PTPRE: variants seen among roughly 807,000 people sequenced by gnomAD.
The protein encoded by PTPRE is protein tyrosine phosphatase receptor type E.
In PTPRE, 51 loss-of-function variants were observed where a neutral mutation model predicts 102.0. The observed-to-expected ratio is 0.50, with a 90% CI of 0.40 to 0.63. The LOEUF is 0.63. Among genes scored for constraint, PTPRE ranks in the 30% least tolerant of loss-of-function variants. The pLI, the probability that PTPRE is intolerant of heterozygous loss-of-function variation, is 0.00. For missense variants in PTPRE, 752 were observed against 915.1 expected, an observed-to-expected ratio of 0.82 and a Z score of 2.30; for synonymous variants, 345 against 348.2, an observed-to-expected ratio of 0.99 and a Z score of 0.10.
intron 1 of PTPRE, among the ~76,000 whole-genome samples, chr10:127,932,854 G>A (rs577930068): frequency 1.3e-5 from 2 of 152,334 alleles, no homozygotes; most frequent in East Asian, 1.9e-4. Flanking sequence ...ACTCATTCAG[G>A]TATTGGCAGA....
rs574602290 is a variant in PTPRE at position 128,068,016 on chromosome 10, C to T, written c.844-107C>T. The T allele has an allele frequency of 7.7e-6, 10 of 1,301,122 alleles. No homozygotes were observed. The African/African-American group carries it at 8.9e-5, about 12-fold the overall frequency. 80.6% of individuals were successfully genotyped at this position (1,301,122 alleles called of 1,614,324 possible). On this transcript the variant is annotated intron_variant, in intron 11 of 20. Transcript: ENST00000254667. The stretch of plus-strand genomic sequence containing the variant: ...CCTCTGTGGATGGGCCCCTCCCCTA[C>T]GCAGCCCCAGCACAGGGGAGCCCAC...
intron 2 of PTPRE, among the ~76,000 whole-genome samples, chr10:128,022,340 G>A (rs914062588): frequency 4.6e-5 from 7 of 152,250 alleles, no homozygotes; most frequent in African/African-American, 7.2e-5. Flanking sequence ...CCCAGGCCTT[G>A]TGAAAGTGGG....
In PTPRE at chr10:127,918,263, A is replaced by G. The variant is rs115741347; in HGVS notation, c.-31+10954A>G. On this transcript the variant is annotated intron_variant, in intron 1 of 20. Coordinates refer to ENST00000254667, the MANE Select transcript of PTPRE (RefSeq NM_006504.6). ...AGCACCCCCTTTAAACTTCCTTTAA[A>G]AAAGGAGAAAATCGGCCTGGTGCAG... 2.7e-3 allele frequency among the ~76,000 whole-genome samples: 415 copies of G among 152,264 alleles called. 3 individuals are homozygous for G. Among genetic ancestry groups the G allele is most frequent in the African/African-American group, 9.4e-3 (392 of 41,560 alleles).
At chr10:127,993,467 C>G (rs1852897906) in intron 2 of PTPRE, among the ~76,000 whole-genome samples, 1 of 152,124 alleles carries the variant, frequency 6.6e-6, no homozygotes, top group Admixed American at 6.5e-5. Context: ...GATGGGGGGC[C>G]AGGGTCTCAG....
At position 128,008,026 on chromosome 10, in the gene PTPRE, G is replaced by T. The variant is rs978595409; in HGVS notation, c.-8+25730G>T. On this transcript the variant is annotated intron_variant, in intron 2 of 20. Coordinates refer to ENST00000254667, the MANE Select transcript of PTPRE (RefSeq NM_006504.6). The surrounding 1 kb of genome is among the most constrained non-coding windows in gnomAD (Gnocchi z 4.0). Reference sequence around the variant, plus strand: ...TTCTCATCACACCTGCTGCTTACAGGGGTTGCACTGGGGCTGGTAGTCAGC... The same window carrying T: ...TTCTCATCACACCTGCTGCTTACAGTGGTTGCACTGGGGCTGGTAGTCAGC... 3.9e-5 allele frequency among the ~76,000 whole-genome samples: 6 copies of T among 152,144 alleles called. No individual in the cohort carries two copies. The highest frequency in any genetic ancestry group is 1.4e-4 in the African/African-American group (6 of 41,430).
At chr10:127,923,030 C>T (rs1465319392) in intron 1 of PTPRE, among the ~76,000 whole-genome samples, 1 of 152,264 alleles carries the variant, frequency 6.6e-6, no homozygotes, top group Non-Finnish European at 1.5e-5. Flanking sequence ...GCTCTGTGGG[C>T]AGCTGTGGCT....
At chr10:128,077,091 C>T (rs7084504) in intron 18 of PTPRE, among the ~76,000 whole-genome samples, 5,255 of 152,264 alleles carry the variant, frequency 0.035, 289 homozygotes, top group African/African-American at 0.12. Context: ...TCTGCTCATC[C>T]TCTCTCCTTG....
chr10:127,979,168 C>T (rs1589888748), intron 1 of PTPRE, among the ~76,000 whole-genome samples: 1 of 152,188 alleles, frequency 6.6e-6, no homozygotes, highest in Non-Finnish European at 1.5e-5. Flanking sequence ...CTCTCCTTCC[C>T]CTTGCTGGAG....
chr10:128,082,195 C>CCTT (rs1851770674), intron 20 of PTPRE, among the ~76,000 whole-genome samples: 3 of 89,036 alleles, frequency 3.4e-5, no homozygotes, highest in Non-Finnish European at 6.5e-5. Flanking sequence ...TTTTCTCTTT[C>CCTT]TTTTTTTTTT....
intron 1 of PTPRE, among the ~76,000 whole-genome samples, chr10:127,935,311 T>C (rs1284522252): frequency 6.6e-6 from 1 of 152,066 alleles, no homozygotes; most frequent in Non-Finnish European, 1.5e-5. Flanking sequence ...AGAGCTTTTG[T>C]GACCAAAATC....
At chr10:128,038,184 A>G (rs532692843) in intron 2 of PTPRE, among the ~76,000 whole-genome samples, 2 of 152,318 alleles carry the variant, frequency 1.3e-5, no homozygotes, top group East Asian at 3.9e-4. Flanking sequence ...AAGCCCACTG[A>G]GAGTGAATGG....
At chr10:128,034,130 A>C (rs747297012) in intron 2 of PTPRE, among the ~76,000 whole-genome samples, 2 of 152,210 alleles carry the variant, frequency 1.3e-5, no homozygotes, top group African/African-American at 4.8e-5. Context: ...TCTCCTGCTC[A>C]TCATCAATCA....
At position 127,990,403 on chromosome 10, in the gene PTPRE, C is replaced by T. The variant is rs755028405; in HGVS notation, c.-8+8107C>T. Among the ~76,000 whole-genome samples the T allele has an allele frequency of 3.9e-4, 49 of 126,634 alleles. 1 individual carries two copies. The highest frequency in any genetic ancestry group is 6.1e-4 in the Non-Finnish European group (38 of 62,230). 83.1% of individuals were successfully genotyped at this position (126,634 alleles called of 152,430 possible). The stretch of plus-strand genomic sequence containing the variant: ...CTCCAGCCTGGGTGACAGAGCATGA[C>T]TCCACCTCAAAAAAAAAAAAAAAAA... On this transcript the variant is annotated intron_variant, in intron 2 of 20. Coordinates refer to ENST00000254667, the MANE Select transcript of PTPRE (RefSeq NM_006504.6).
At chr10:128,011,891 G>A (rs1196030507) in intron 2 of PTPRE, among the ~76,000 whole-genome samples, 1 of 152,220 alleles carries the variant, frequency 6.6e-6, no homozygotes, top group Non-Finnish European at 1.5e-5. Context: ...CAGAACCTGG[G>A]CCAGAGAGTC....
chr10:127,973,279 G>T (rs1269985120), intron 1 of PTPRE, among the ~76,000 whole-genome samples: 1 of 152,132 alleles, frequency 6.6e-6, no homozygotes, highest in African/African-American at 2.4e-5. Context: ...TTTCTGTTAG[G>T]AGCACAGTGA....
chr10:127,936,676 G>A (rs115079100), intron 1 of PTPRE, among the ~76,000 whole-genome samples: 2,575 of 152,176 alleles, frequency 0.017, 82 homozygotes, highest in African/African-American at 0.059. Flanking sequence ...CATAAGGGAA[G>A]CGTTGTCCCA....
At chr10:128,026,581 T>C (rs1214277322) in intron 2 of PTPRE, among the ~76,000 whole-genome samples, 1 of 152,234 alleles carries the variant, frequency 6.6e-6, no homozygotes, top group African/African-American at 2.4e-5. Flanking sequence ...CTCATCCTTA[T>C]TTCTCTGCCT....
intron 2 of PTPRE, among the ~76,000 whole-genome samples, chr10:128,017,385 G>A (rs1178403562): frequency 6.6e-6 from 1 of 152,148 alleles, no homozygotes; most frequent in Non-Finnish European, 1.5e-5. Context: ...GCCCGAGCTG[G>A]CCTCAAAGAG....
rs540750045 is a variant in PTPRE, at chr10:127,961,416, G to A, written c.-30-20858G>A. Among the ~76,000 whole-genome samples the A allele has an allele frequency of 7.9e-5, 12 of 152,260 alleles. No homozygotes were observed. The South Asian group carries it at 2.5e-3, about 32-fold the overall frequency. On this transcript the variant is annotated intron_variant, in intron 1 of 20. Coordinates refer to ENST00000254667, the MANE Select transcript of PTPRE (RefSeq NM_006504.6). ...TCTTTAGAAGCTTCTCTCTGGGGCA[G>A]GGTGGGGGTGGGAGAGGAAACGGTA... is the stretch of plus-strand genomic sequence containing the variant.
Sources: gnomAD v4.1 joint callset for allele counts (sites outside exome capture counted in the v4.1 genomes callset) on GRCh38, gnomAD v4.1.1 for gene constraint, Gnocchi (gnomAD v3.1) non-coding constraint, MANE v1.5 for transcripts, NCBI Gene and HGNC (gene_info 2026-07-23, HGNC 2026-07-21) for gene names.